CDH18: variants seen among roughly 807,000 people sequenced by gnomAD.
CDH18 encodes cadherin-18.
CDH18 carries 31 observed loss-of-function variants against 67.9 expected under a neutral mutation model. The observed-to-expected ratio is 0.46, with a 90% confidence interval of 0.34 to 0.62. The LOEUF (loss-of-function observed/expected upper bound fraction) is 0.62. Ranked by LOEUF, CDH18 falls within the 20% of genes least tolerant of loss-of-function variation. The pLI is 0.01. For synonymous variants in CDH18, 362 were observed against 347.2 expected (o/e 1.04, Z -0.48); for missense variants, 890 against 975.5 (o/e 0.91, Z 1.17).
At chr5:20,376,107 T>TTTTTG (rs1554125016) in intron 1 of CDH18, among the ~76,000 whole-genome samples, 2 of 112,902 alleles carry the variant, frequency 1.8e-5, no homozygotes, top group African/African-American at 6.1e-5. Flanking sequence ...TTTTTTTTTT[T>TTTTTG]TTTTGAGACG....
At chr5:20,468,977 A>G (rs1751861793) in intron 1 of CDH18, among the ~76,000 whole-genome samples, 1 of 152,216 alleles carries the variant, frequency 6.6e-6, no homozygotes, top group Non-Finnish European at 1.5e-5. Flanking sequence ...ATCTAAAAAG[A>G]CATTATTTCA....
At chr5:20,322,277 A>G (rs1393869596) in intron 1 of CDH18, among the ~76,000 whole-genome samples, 1 of 152,214 alleles carries the variant, frequency 6.6e-6, no homozygotes, top group African/African-American at 2.4e-5. Context: ...CCAATTGTTC[A>G]TAATGATATT....
chr5:19,739,462 C>A (rs530462265), intron 4 of CDH18, among the ~76,000 whole-genome samples: 1 of 152,118 alleles, frequency 6.6e-6, no homozygotes, highest in Non-Finnish European at 1.5e-5. Context: ...GAGGCACCTG[C>A]GCTGTTCGAG....
chr5:20,448,408 T>C (rs2150202605), intron 1 of CDH18, among the ~76,000 whole-genome samples: 1 of 152,280 alleles, frequency 6.6e-6, no homozygotes, highest in South Asian at 2.1e-4. Context: ...ACAGATATTC[T>C]TTATGTTTTA....
chr5:19,739,307 C>T (rs556425188), intron 4 of CDH18, among the ~76,000 whole-genome samples: 1 of 152,142 alleles, frequency 6.6e-6, no homozygotes, highest in African/African-American at 2.4e-5. Context: ...TATTTTTGCT[C>T]TTATCCTCTT....
At chr5:20,021,493 C>T (rs1288292732) in intron 2 of CDH18, among the ~76,000 whole-genome samples, 3 of 152,118 alleles carry the variant, frequency 2.0e-5, no homozygotes, top group Non-Finnish European at 4.4e-5. Flanking sequence ...GAGATTGGAT[C>T]ATGGGAATGG....
At chr5:19,797,808 T>G (rs1367125853) in intron 3 of CDH18, among the ~76,000 whole-genome samples, 1 of 152,094 alleles carries the variant, frequency 6.6e-6, no homozygotes, top group Non-Finnish European at 1.5e-5. Context: ...TGAATTTTTT[T>G]TATAAATATA....
chr5:20,418,842 A>G (rs1747571196), intron 1 of CDH18, among the ~76,000 whole-genome samples: 1 of 152,046 alleles, frequency 6.6e-6, no homozygotes. Flanking sequence ...TAGTGTTAGG[A>G]GGTGGGGCCT....
intron 2 of CDH18, among the ~76,000 whole-genome samples, chr5:19,856,884 C>T (rs1408302811): frequency 1.3e-5 from 2 of 152,006 alleles, no homozygotes; most frequent in African/African-American, 2.4e-5. Flanking sequence ...CTCACTGACT[C>T]GATTTTTTTT....
chr5:19,756,247 A>T (rs12654432), intron 3 of CDH18, among the ~76,000 whole-genome samples: 20,701 of 152,204 alleles, frequency 0.14, 3,585 homozygotes, highest in African/African-American at 0.4. Flanking sequence ...AGGAAATAAA[A>T]TAAAGATATT....
intron 2 of CDH18, among the ~76,000 whole-genome samples, chr5:20,100,771 C>A (rs1203780902): frequency 6.6e-6 from 1 of 151,800 alleles, no homozygotes; most frequent in Non-Finnish European, 1.5e-5. Context: ...GGTTTCTTTG[C>A]AAATAAGAGA....
chr5:19,624,068 C>T (rs190721190), intron 5 of CDH18, among the ~76,000 whole-genome samples: 330 of 150,726 alleles, frequency 2.2e-3, no homozygotes, highest in South Asian at 7.1e-3. Flanking sequence ...AGTGCAGTGG[C>T]GCCATCTTGG....
intron 2 of CDH18, among the ~76,000 whole-genome samples, chr5:20,046,891 T>A (rs945036983): frequency 6.6e-6 from 1 of 151,788 alleles, no homozygotes; most frequent in African/African-American, 2.4e-5. Context: ...ATTAGAAACA[T>A]CTCTTTCAAG....
intron 2 of CDH18, among the ~76,000 whole-genome samples, chr5:19,884,632 T>C (rs1788006332): frequency 6.6e-6 from 1 of 151,996 alleles, no homozygotes. Flanking sequence ...TTTACATACT[T>C]ATGACAACTC....
At chr5:19,616,874 T>G (rs893094943) in intron 5 of CDH18, among the ~76,000 whole-genome samples, 3 of 152,188 alleles carry the variant, frequency 2.0e-5, no homozygotes, top group East Asian at 3.8e-4. Flanking sequence ...TCTTACCATG[T>G]CCTCACATGG....
chr5:20,084,028 C>T (rs770553931), intron 2 of CDH18, among the ~76,000 whole-genome samples: 20 of 151,808 alleles, frequency 1.3e-4, no homozygotes, highest in Non-Finnish European at 1.6e-4. Flanking sequence ...GCCTTCCAGA[C>T]GGTTCCCCAA....
At chr5:20,431,069 T>C (rs1748695804) in intron 1 of CDH18, among the ~76,000 whole-genome samples, 1 of 152,170 alleles carries the variant, frequency 6.6e-6, no homozygotes. Context: ...ATCTATTTTA[T>C]AGTGAAATCT....
At chr5:20,468,267 T>A (rs4418105) in intron 1 of CDH18, among the ~76,000 whole-genome samples, 1 of 151,990 alleles carries the variant, frequency 6.6e-6, no homozygotes, top group Non-Finnish European at 1.5e-5. Flanking sequence ...CTGCCTGCCT[T>A]GGCCTCCCAA....
intron 1 of CDH18, among the ~76,000 whole-genome samples, chr5:20,446,895 G>T (rs1480757440): frequency 6.6e-6 from 1 of 152,128 alleles, no homozygotes; most frequent in Non-Finnish European, 1.5e-5. Flanking sequence ...TATTTGCCTG[G>T]ATGTGTGACA....
Sources: gnomAD v4.1 joint callset for allele counts (sites outside exome capture counted in the v4.1 genomes callset) on GRCh38, gnomAD v4.1.1 for gene constraint, MANE v1.5 for transcripts, NCBI Gene and HGNC (gene_info 2026-07-23, HGNC 2026-07-21) for gene names.